The following ZSWIM6 variants were observed in gnomAD, a reference collection of about 807,000 sequenced individuals.
ZSWIM6 encodes zinc finger SWIM-type containing 6.
A neutral mutation model predicts 113.2 loss-of-function variants in ZSWIM6; 9 were observed. The observed-to-expected ratio is 0.08, with a 90% CI of 0.05 to 0.14. The LOEUF (loss-of-function observed/expected upper bound fraction) is 0.14, where lower values mean the gene tolerates loss of function less well. Ranked by LOEUF, ZSWIM6 falls within the 10% of genes least tolerant of loss-of-function variation. ZSWIM6 has a pLI of 1.00. For synonymous variants in ZSWIM6, 611 were observed against 606.5 expected, an observed-to-expected ratio of 1.01 and a Z score of -0.11; for missense variants, 1,162 against 1,552.2, an observed-to-expected ratio of 0.75 and a Z score of 4.22.
intron 1 of ZSWIM6, among the ~76,000 whole-genome samples, chr5:61,365,577 G>A (rs1745132760): frequency 6.6e-6 from 1 of 152,076 alleles, no homozygotes; most frequent in African/African-American, 2.4e-5. Context: ...TATTTTGTAT[G>A]ATCCTTCCAT....
chr5:61,503,425 G>C (rs1459944792), intron 4 of ZSWIM6, among the ~76,000 whole-genome samples: 1 of 152,208 alleles, frequency 6.6e-6, no homozygotes, highest in African/African-American at 2.4e-5. Context: ...TTCAAAATTT[G>C]CTTCAGCAAA....
chr5:61,433,075 A>G (rs924848915), intron 1 of ZSWIM6, among the ~76,000 whole-genome samples: 1 of 152,230 alleles, frequency 6.6e-6, no homozygotes, highest in Non-Finnish European at 1.5e-5. Flanking sequence ...TGGCCTGTTA[A>G]TGCAAATAAA....
intron 1 of ZSWIM6, among the ~76,000 whole-genome samples, chr5:61,386,631 A>G (rs1745596938): frequency 6.6e-6 from 1 of 152,186 alleles, no homozygotes; most frequent in Non-Finnish European, 1.5e-5. Context: ...GTACAGGACA[A>G]AGGACTTTGG....
At chr5:61,345,139 T>G (rs548486325) in intron 1 of ZSWIM6, among the ~76,000 whole-genome samples, 1 of 152,260 alleles carries the variant, frequency 6.6e-6, no homozygotes, top group East Asian at 1.9e-4. Flanking sequence ...GCTGTTGAAG[T>G]TGTGGAGTCT....
In ZSWIM6 at chr5:61,414,928, A is replaced by G. The variant is rs79426400; in HGVS notation, c.677-57753A>G. ...ACCATCTAATCCCTTTCTCTGTGCT[A>G]TTTTATCTAAACCCTAATTGTCAGA... is the stretch of plus-strand genomic sequence containing the variant. On this transcript the variant is annotated intron_variant, in intron 1 of 13. Transcript: ENST00000252744. 1.5e-3 allele frequency among the ~76,000 whole-genome samples: 234 copies of G among 152,322 alleles called. 1 individual carries two copies. Among genetic ancestry groups the G allele is most frequent in the African/African-American group, 5.5e-3 (229 of 41,558 alleles).
intron 9 of ZSWIM6, among the ~76,000 whole-genome samples, chr5:61,532,191 G>A (rs1402513006): frequency 6.6e-6 from 1 of 152,148 alleles, no homozygotes; most frequent in Non-Finnish European, 1.5e-5. Context: ...GCTAACAAAC[G>A]ACTGAGGGCT....
chr5:61,380,318 C>T (rs191966610), intron 1 of ZSWIM6, among the ~76,000 whole-genome samples: 26 of 152,284 alleles, frequency 1.7e-4, no homozygotes, highest in Non-Finnish European at 2.9e-4. Flanking sequence ...TCAGGTGATC[C>T]GCCTGCCTCG....
rs1744270827 is a variant in ZSWIM6, at chr5:61,332,401, G to T, written c.129G>T (p.Arg43=). 2 of 993,218 alleles carry T rather than the reference G, an allele frequency of 2.0e-6. No homozygotes were observed. Among genetic ancestry groups the T allele is most frequent in the Non-Finnish European group, 2.4e-6 (2 of 837,254 alleles). 61.5% of individuals were successfully genotyped at this position (993,218 alleles called of 1,614,324 possible). A position where few individuals can be genotyped will look rare whatever the true frequency, so the allele number is the denominator to read the frequency against. The change falls in exon 1 of 14, where the codon CGG becomes CGT. Residue 43 remains arginine (R), a synonymous_variant. Transcript: ENST00000252744. ...GAGGGYSSAC[R]PGPRAGGAAA... ...GTGGCGGCTACAGCTCTGCCTGTCG[G>T]CCAGGCCCGCGGGCGGGTGGCGCGG...
intron 1 of ZSWIM6, among the ~76,000 whole-genome samples, chr5:61,402,240 T>C (rs868346634): frequency 2.0e-5 from 3 of 152,152 alleles, no homozygotes; most frequent in Non-Finnish European, 4.4e-5. Flanking sequence ...TAAAGAACCT[T>C]AGAAAAGATG....
At chr5:61,540,916 G>GTTTTTTTT (rs34749703) in intron 12 of ZSWIM6, among the ~76,000 whole-genome samples, 35 of 94,502 alleles carry the variant, frequency 3.7e-4, no homozygotes, top group Admixed American at 1.1e-3. Flanking sequence ...TATTTTGTGG[G>GTTTTTTTT]TTTTTTTTTT....
chr5:61,435,155 A>G (rs1746679279), intron 1 of ZSWIM6, among the ~76,000 whole-genome samples: 1 of 152,214 alleles, frequency 6.6e-6, no homozygotes, highest in African/African-American at 2.4e-5. Context: ...AAATATGAAG[A>G]TGTCTTAAAT....
intron 1 of ZSWIM6, among the ~76,000 whole-genome samples, chr5:61,426,089 A>G (rs1376834699): frequency 1.3e-5 from 2 of 152,192 alleles, no homozygotes; most frequent in African/African-American, 4.8e-5. Flanking sequence ...CTTTTAAAAC[A>G]TTTGACACAG....
intron 1 of ZSWIM6, among the ~76,000 whole-genome samples, chr5:61,445,969 A>G (rs1746944180): frequency 1.3e-5 from 2 of 152,256 alleles, no homozygotes; most frequent in Non-Finnish European, 2.9e-5. Flanking sequence ...CTTAAGGTAC[A>G]TGACCAGTAA....
intron 1 of ZSWIM6, among the ~76,000 whole-genome samples, chr5:61,409,139 T>C (rs1746106546): frequency 6.6e-6 from 1 of 151,378 alleles, no homozygotes; most frequent in Admixed American, 6.6e-5. Context: ...ACTTTAGGTA[T>C]TAAGTATAAG....
At chr5:61,521,534 A>AT (rs1317731157) in intron 5 of ZSWIM6, 92 bp downstream of exon 5, 2 of 1,104,342 alleles carry the variant, frequency 1.8e-6, no homozygotes, top group African/African-American at 3.3e-5. Context: ...TGGGAAAATG[A>AT]TTTTACCAAC....
chr5:61,358,073 C>T (rs1211337740), intron 1 of ZSWIM6, among the ~76,000 whole-genome samples: 1 of 152,150 alleles, frequency 6.6e-6, no homozygotes, highest in Non-Finnish European at 1.5e-5. Flanking sequence ...AACTAAGTTC[C>T]ACCATTTTGT....
chr5:61,348,841 G>T (rs893749022), intron 1 of ZSWIM6, among the ~76,000 whole-genome samples: 1 of 152,054 alleles, frequency 6.6e-6, no homozygotes, highest in African/African-American at 2.4e-5. Flanking sequence ...AGATTGAGGG[G>T]CATTCTGTCT....
chr5:61,373,586 A>G (rs1745310328), intron 1 of ZSWIM6, among the ~76,000 whole-genome samples: 1 of 151,190 alleles, frequency 6.6e-6, no homozygotes, highest in South Asian at 2.1e-4. Flanking sequence ...CTCTATTTCC[A>G]CCCTTGTCAC....
chr5:61,484,163 C>T (rs1341020901), intron 2 of ZSWIM6, among the ~76,000 whole-genome samples: 1 of 152,096 alleles, frequency 6.6e-6, no homozygotes, highest in Non-Finnish European at 1.5e-5. Context: ...CTGTGGCAAA[C>T]CAAGCCCCCA....
Sources: allele counts gnomAD v4.1 joint callset (sites outside exome capture counted in the v4.1 genomes callset), GRCh38; gene constraint gnomAD v4.1.1; transcripts MANE v1.5; gene names NCBI Gene and HGNC (gene_info 2026-07-23, HGNC 2026-07-21).